Variants in GEMIN8 observed in about 807,000 individuals in gnomAD.
GEMIN8 encodes gem nuclear organelle associated protein 8.
For synonymous variants in GEMIN8, 80 were observed against 78.5 expected (o/e 1.02, Z -0.10); for missense variants, 185 against 205.9 (o/e 0.90, Z 0.62).
At chrX:14,027,150 C>G (rs1924740792) in intron 1 of GEMIN8, 1 of 112,856 alleles carries the variant, frequency 8.9e-6, no homozygotes, top group South Asian at 3.6e-4. Flanking sequence ...AAGATGTCTT[C>G]CAATAATACA....
chrX:14,028,381 A>C (rs982444697), intron 1 of GEMIN8, among the ~76,000 whole-genome samples: 7 of 112,356 alleles, frequency 6.2e-5, no homozygotes, highest in African/African-American at 1.9e-4. Flanking sequence ...TAAAGCACCA[A>C]ATCTTTTCAG....
chrX:13,994,139 G>A, the GEMIN8 span, among the ~76,000 whole-genome samples: 1 of 111,888 alleles, frequency 8.9e-6, no homozygotes, highest in Non-Finnish European at 1.9e-5. Flanking sequence ...GGGCCCCGAT[G>A]ACCAGCGATT....
At chrX:13,989,378 C>T in the GEMIN8 span, among the ~76,000 whole-genome samples, 2 of 111,644 alleles carry the variant, frequency 1.8e-5, no homozygotes, top group Non-Finnish European at 3.8e-5. Flanking sequence ...GTTGACATTA[C>T]AGGCGTGAGC....
At chrX:13,992,497 C>T in the GEMIN8 span, among the ~76,000 whole-genome samples, 1 of 111,410 alleles carries the variant, frequency 9.0e-6, no homozygotes, top group African/African-American at 3.3e-5. Flanking sequence ...GTGCTCCTCA[C>T]ATAGAGGGGT....
At chrX:13,990,353 G>A in the GEMIN8 span, among the ~76,000 whole-genome samples, 2 of 112,714 alleles carry the variant, frequency 1.8e-5, no homozygotes, top group African/African-American at 3.2e-5. Context: ...AGTCATGCTG[G>A]GGAACTCTGG....
At chrX:13,996,051 A>C in the GEMIN8 span, among the ~76,000 whole-genome samples, 2 of 112,008 alleles carry the variant, frequency 1.8e-5, no homozygotes, top group African/African-American at 6.5e-5. Flanking sequence ...GAAGATCAGC[A>C]TATCTGGTAA....
At chrX:14,022,040 TATA>T (rs1326759704) in intron 2 of GEMIN8, among the ~76,000 whole-genome samples, 5 of 101,266 alleles carry the variant, frequency 4.9e-5, no homozygotes, top group South Asian at 5.0e-4. Context: ...CACATGTATA[TATA>T]ATGTGTATAT....
intron 1 of GEMIN8, 117 bp from the exon 2 acceptor site, chrX:14,026,338 C>T (rs1248404355): frequency 4.0e-6 from 3 of 744,435 alleles, no homozygotes; most frequent in Non-Finnish European, 4.8e-6. Flanking sequence ...TGAGCCCAGG[C>T]GAGTACAGAG....
At chrX:13,991,883 G>A in the GEMIN8 span, among the ~76,000 whole-genome samples, 1 of 112,235 alleles carries the variant, frequency 8.9e-6, no homozygotes, top group East Asian at 2.8e-4. Flanking sequence ...TGTTTACTGA[G>A]CCTAATCCCT....
At chrX:14,023,091 G>A (rs938353965) in intron 2 of GEMIN8, among the ~76,000 whole-genome samples, 1 of 112,144 alleles carries the variant, frequency 8.9e-6, no homozygotes, top group Non-Finnish European at 1.9e-5. Flanking sequence ...ATGCATACAT[G>A]CAACGAATAT....
At chrX:14,023,597 C>T (rs1603203107) in intron 2 of GEMIN8, among the ~76,000 whole-genome samples, 1 of 111,166 alleles carries the variant, frequency 9.0e-6, no homozygotes, top group East Asian at 2.8e-4. Context: ...CCAGGCTGGT[C>T]GAAACTCCTG....
rs1448918974 is a variant in GEMIN8 at position 14,020,107 on chromosome X, G to T, written c.443C>A (p.Ala148Glu). The change falls in exon 4 of 5, where the codon GCA becomes GAA. Residue 148 changes from alanine to glutamate, a missense_variant. Coordinates refer to ENST00000680255, the MANE Select transcript of GEMIN8 (RefSeq NM_001042479.2). The stretch of plus-strand genomic sequence containing the variant: ...TTCTTCTCTATGCCTCTCGGTCTCT[G>T]CAAAGTACTGGCGGAGCTCTTCAGT... ...EITEELRQYF[A>E]ETERHREERR... 7 of 1,202,778 alleles carry T rather than the reference G, an allele frequency of 5.8e-6. No individual in the cohort carries two copies. The highest frequency in any genetic ancestry group is 2.2e-5 in the Admixed American group (1 of 45,731).
At chrX:13,988,530 C>T in the GEMIN8 span, among the ~76,000 whole-genome samples, 1 of 107,592 alleles carries the variant, frequency 9.3e-6, no homozygotes, top group African/African-American at 3.4e-5. Context: ...TCTGTACCAC[C>T]AGGTAGACTG....
At position 14,020,198 on chromosome X, in the gene GEMIN8, T is replaced by C. The variant is rs1182837359; in HGVS notation, c.352A>G (p.Lys118Glu). 2 of 1,208,087 alleles carry C rather than the reference T, an allele frequency of 1.7e-6. No homozygotes were observed. Among genetic ancestry groups the C allele is most frequent in the Non-Finnish European group, 2.2e-6 (2 of 892,235 alleles). ...ASTKEDQALS[K>E]EEEMETESDA... ...GACTCAGTCTCCATCTCTTCCTCTTTGGACAAAGCTTGGTCTTCTTTTGTG... is the reference window on the plus strand; with the variant it reads ...GACTCAGTCTCCATCTCTTCCTCTTCGGACAAAGCTTGGTCTTCTTTTGTG... Residue 118 changes from lysine to glutamate, a missense_variant, in exon 4 of 5, where the codon AAA (lysine) becomes GAA (glutamate). By Grantham distance (56) the Lys-to-Glu change is moderately conservative (BLOSUM62 1). Transcript: ENST00000680255.
chrX:14,000,287 AAG>A, the GEMIN8 span, among the ~76,000 whole-genome samples: 1 of 110,705 alleles, frequency 9.0e-6, no homozygotes, highest in Non-Finnish European at 1.9e-5. Flanking sequence ...GCAACAGAGC[AAG>A]ACCCTGTCTC....
intron 3 of GEMIN8, 34 bp downstream of exon 3, chrX:14,021,430 G>C (rs1320803896): frequency 1.2e-6 from 1 of 851,763 alleles, no homozygotes. Flanking sequence ...TTACTTACGA[G>C]CTCAAAAAAA....
intron 4 of GEMIN8, among the ~76,000 whole-genome samples, chrX:14,011,724 C>T (rs1481092143): frequency 1.8e-5 from 2 of 110,363 alleles, no homozygotes; most frequent in African/African-American, 6.6e-5. Context: ...GTTCAACTTC[C>T]TGCATAAATC....
chrX:13,984,187 A>G, the GEMIN8 span, among the ~76,000 whole-genome samples: 1 of 111,598 alleles, frequency 9.0e-6, no homozygotes, highest in Non-Finnish European at 1.9e-5. Context: ...GCCTTAGATG[A>G]GAACGTGGCT....
chrX:14,000,359 G>A, the GEMIN8 span, among the ~76,000 whole-genome samples: 6 of 111,009 alleles, frequency 5.4e-5, no homozygotes, highest in Non-Finnish European at 9.4e-5. Flanking sequence ...CACTTTGGGA[G>A]GCTGAGGCGA....
Sources: gnomAD v4.1 joint callset for allele counts (sites outside exome capture counted in the v4.1 genomes callset) on GRCh38, gnomAD v4.1.1 for gene constraint, MANE v1.5 for transcripts, NCBI Gene and HGNC (gene_info 2026-07-23, HGNC 2026-07-21) for gene names.